Variants in MAEA observed in about 807,000 individuals in gnomAD.
MAEA encodes the protein E3 ubiquitin-protein transferase MAEA.
A neutral mutation model predicts 46.2 loss-of-function variants in MAEA; 22 were observed. The observed-to-expected ratio is 0.48, with a 90% CI of 0.34 to 0.68. The LOEUF (loss-of-function observed/expected upper bound fraction) is 0.68, where lower values mean the gene tolerates loss of function less well. Among genes scored for constraint, MAEA ranks in the 30% least tolerant of loss-of-function variants. The probability of loss-of-function intolerance (pLI) is 0.01; values close to 1 mark genes in which losing one functional copy is unlikely to be tolerated. For synonymous variants in MAEA, 246 were observed against 222.6 expected (o/e 1.11, Z -0.94); for missense variants, 393 against 558.1 (o/e 0.70, Z 2.98).
chr4:1,322,284 G>A (rs371839818), intron 3 of MAEA, 97 bp from the exon 4 acceptor site: 35 of 1,523,954 alleles, frequency 2.3e-5, no homozygotes, highest in Admixed American at 7.5e-5. Context: ...AGTGGTGGCC[G>A]GTGCTGGGCC....
intron 3 of MAEA, among the ~76,000 whole-genome samples, chr4:1,322,169 G>T (rs192944208): frequency 6.6e-6 from 1 of 152,152 alleles, no homozygotes; most frequent in Non-Finnish European, 1.5e-5. Context: ...CTACGTGAGC[G>T]TCCGACCTTT....
intron 2 of MAEA, among the ~76,000 whole-genome samples, chr4:1,315,112 A>G (rs1462503553): frequency 6.6e-6 from 1 of 152,222 alleles, no homozygotes; most frequent in Admixed American, 6.5e-5. Context: ...AGCAAATTTG[A>G]AATTGTATGC....
chr4:1,304,871 C>T (rs1158547629), intron 1 of MAEA, among the ~76,000 whole-genome samples: 1 of 152,174 alleles, frequency 6.6e-6, no homozygotes, highest in Non-Finnish European at 1.5e-5. Context: ...ACAAATGTGT[C>T]TCACGCTATA....
intron 1 of MAEA, among the ~76,000 whole-genome samples, chr4:1,298,563 A>G (rs1481112503): frequency 1.3e-5 from 2 of 152,170 alleles, no homozygotes; most frequent in African/African-American, 4.8e-5. Context: ...GGCACCAGGT[A>G]ACCCCAAGAC....
intron 1 of MAEA, among the ~76,000 whole-genome samples, chr4:1,292,410 A>G (rs1322723394): frequency 6.6e-6 from 1 of 151,658 alleles, no homozygotes; most frequent in East Asian, 1.9e-4. Flanking sequence ...TTATTTTTCT[A>G]TTTTCCTGGT....
intron 4 of MAEA, among the ~76,000 whole-genome samples, chr4:1,326,820 C>T (rs1418830572): frequency 1.3e-5 from 2 of 152,214 alleles, no homozygotes; most frequent in Admixed American, 6.5e-5. Context: ...GCACCGGCCC[C>T]GGCTTCTGCC....
At chr4:1,308,465 A>T (rs1157975921) in intron 1 of MAEA, among the ~76,000 whole-genome samples, 1 of 151,878 alleles carries the variant, frequency 6.6e-6, no homozygotes, top group Non-Finnish European at 1.5e-5. Context: ...CCTACTGGGG[A>T]CTCAGGAGCC....
At chr4:1,324,509 C>T (rs1479284995) in intron 4 of MAEA, among the ~76,000 whole-genome samples, 1 of 146,338 alleles carries the variant, frequency 6.8e-6, no homozygotes, top group Non-Finnish European at 1.5e-5. Context: ...AGATTGGATG[C>T]TTGGTGGATG....
intron 6 of MAEA, chr4:1,335,061 C>G: frequency 3.0e-6 from 3 of 985,396 alleles, no homozygotes; most frequent in Non-Finnish European, 3.6e-6. Context: ...GACTGAGCGG[C>G]CTTTCTGGGT....
intron 2 of MAEA, among the ~76,000 whole-genome samples, chr4:1,314,615 G>A (rs1300033290): frequency 6.6e-6 from 1 of 152,226 alleles, no homozygotes; most frequent in African/African-American, 2.4e-5. Flanking sequence ...CAAGGTTTCA[G>A]AACTGATGAG....
At position 1,330,013 on chromosome 4, in the gene MAEA, G is replaced by C. The variant is rs1445481502; in HGVS notation, c.656+2310G>C. The C allele has an allele frequency of 2.0e-5, 20 of 985,360 alleles. No individual in the cohort carries two copies. The Admixed American group carries it at 1.2e-3, about 61-fold the overall frequency. The allele number at this position is 985,360 out of a possible 1,614,324, so 61.0% of individuals were successfully genotyped here. On this transcript the variant is annotated intron_variant, in intron 5 of 8. Transcript: ENST00000303400. Reference sequence around the variant, plus strand: ...CACTGGGGCAGGCAAGGTGAGTCCTGCTGTCTGTGGAGCCAGCGTGCTGGG... The same window carrying C: ...CACTGGGGCAGGCAAGGTGAGTCCTCCTGTCTGTGGAGCCAGCGTGCTGGG...
At chr4:1,335,749 G>C (rs1712676590) in intron 6 of MAEA, 1 of 985,446 alleles carries the variant, frequency 1.0e-6, no homozygotes. Context: ...ACAGAGTTAA[G>C]TCAACACCTG....
chr4:1,308,275 A>C (rs1369359133), intron 1 of MAEA, among the ~76,000 whole-genome samples: 1 of 152,138 alleles, frequency 6.6e-6, no homozygotes, highest in African/African-American at 2.4e-5. Flanking sequence ...CCTAATCTTA[A>C]TGGGACCACT....
intron 1 of MAEA, among the ~76,000 whole-genome samples, chr4:1,298,761 C>A (rs914563505): frequency 7.9e-5 from 12 of 152,194 alleles, no homozygotes; most frequent in Admixed American, 2.0e-4. Flanking sequence ...ACTGATAGGA[C>A]CCTCTGTGTA....
intron 1 of MAEA, among the ~76,000 whole-genome samples, chr4:1,295,338 A>C (rs1734530449): frequency 6.6e-6 from 1 of 152,112 alleles, no homozygotes; most frequent in Admixed American, 6.5e-5. Context: ...AAACCTGAAC[A>C]AAAAGAATTA....
intron 5 of MAEA, 103 bp downstream of exon 5, chr4:1,327,806 G>A: frequency 1.1e-6 from 1 of 947,976 alleles, no homozygotes; most frequent in Non-Finnish European, 1.6e-6. Flanking sequence ...ACGTCCCCTG[G>A]GTCGTCCCCT....
chr4:1,338,243 TG>T lies in MAEA; in HGVS notation c.900-175del, dbSNP rs991658965. On this transcript the variant is annotated intron_variant, in intron 7 of 8. Coordinates refer to ENST00000303400, the MANE Select transcript of MAEA (RefSeq NM_001017405.3). The stretch of plus-strand genomic sequence containing the variant: ...CTTCTTGTCTCCACCGAGGCCTCAG[TG>T]GGGCTGTTTAGCTGTCGAGTGCAGC... The T allele has an allele frequency of 5.5e-6, 3 of 544,902 alleles. No individual in the cohort carries two copies. In the African/African-American group the frequency reaches 5.7e-5, roughly 10 times the overall value. 33.8% of individuals were successfully genotyped at this position (544,902 alleles called of 1,614,324 possible). A position where few individuals can be genotyped will look rare whatever the true frequency, so the allele number is the denominator to read the frequency against.
chr4:1,317,604 A>G (rs1173739369), intron 3 of MAEA, among the ~76,000 whole-genome samples: 1 of 151,994 alleles, frequency 6.6e-6, no homozygotes, highest in Non-Finnish European at 1.5e-5. Context: ...GCAGCTGCCC[A>G]GTGGGCAGGG....
rs950115716 is a variant in MAEA, at chr4:1,332,611, G to A, written c.657-146G>A. The A allele has an allele frequency of 5.1e-6, 3 of 592,108 alleles. No individual in the cohort carries two copies. The African/African-American group carries it at 5.7e-5, about 11-fold the overall frequency. 36.7% of individuals were successfully genotyped at this position (592,108 alleles called of 1,614,324 possible). On this transcript the variant is annotated intron_variant, in intron 5 of 8. Coordinates refer to ENST00000303400, the MANE Select transcript of MAEA (RefSeq NM_001017405.3). Reference sequence around the variant, plus strand: ...GCACATCTGCGGTCTCAGCTTCTCGGGAAGATCGCCTGAGCCTGAGAGTTC... The same window carrying A: ...GCACATCTGCGGTCTCAGCTTCTCGAGAAGATCGCCTGAGCCTGAGAGTTC...
Sources: gnomAD v4.1 joint callset for allele counts (sites outside exome capture counted in the v4.1 genomes callset) on GRCh38, gnomAD v4.1.1 for gene constraint, MANE v1.5 for transcripts, NCBI Gene and HGNC (gene_info 2026-07-23, HGNC 2026-07-21) for gene names.